NTRK3: variants seen among roughly 807,000 people sequenced by gnomAD.
NTRK3 encodes the protein neurotrophic receptor tyrosine kinase 3.
In NTRK3, 24 loss-of-function variants were observed where a neutral mutation model predicts 91.7. The ratio of observed to expected loss-of-function variants is 0.26; its 90% CI spans 0.19 to 0.37. The LOEUF is 0.37. Ranked by LOEUF, NTRK3 falls within the 10% of genes least tolerant of loss-of-function variation. The pLI, the probability that NTRK3 is intolerant of heterozygous loss-of-function variation, is 1.00. For synonymous variants in NTRK3, 483 were observed against 404.0 expected, an observed-to-expected ratio of 1.20 and a Z score of -2.34; for missense variants, 880 against 1,068.9, an observed-to-expected ratio of 0.82 and a Z score of 2.46.
chr15:88,215,134 A>C (rs1339109998), intron 3 of NTRK3, among the ~76,000 whole-genome samples: 2 of 152,214 alleles, frequency 1.3e-5, no homozygotes, highest in African/African-American at 2.4e-5. Flanking sequence ...CACCATAAGC[A>C]CTGTGGGTTT....
chr15:87,951,260 C>T (rs755556656), intron 14 of NTRK3, among the ~76,000 whole-genome samples: 2 of 152,128 alleles, frequency 1.3e-5, no homozygotes, highest in East Asian at 1.9e-4. Context: ...ATGTCTATTC[C>T]TTATGCAAAA....
chr15:88,225,210 A>G (rs980218625), intron 3 of NTRK3, among the ~76,000 whole-genome samples: 4 of 152,146 alleles, frequency 2.6e-5, no homozygotes, highest in African/African-American at 9.7e-5. Context: ...ACCCCAGTGG[A>G]TCTCTACCCC....
At chr15:87,933,036 T>C in exon 16 of NTRK3, 1 of 1,614,120 alleles carries the variant, frequency 6.2e-7, no homozygotes, top group Non-Finnish European at 8.5e-7. Flanking sequence ...CAGGTCTCCA[T>C]GCTTCATGTA....
intron 13 of NTRK3, among the ~76,000 whole-genome samples, chr15:88,057,761 C>T (rs1567309356): frequency 6.6e-6 from 1 of 151,994 alleles, no homozygotes; most frequent in East Asian, 1.9e-4. Flanking sequence ...AGGGCTGCAC[C>T]CATAGCCTCT....
chr15:88,071,389 T>A (rs1264490906), intron 13 of NTRK3, among the ~76,000 whole-genome samples: 5 of 152,230 alleles, frequency 3.3e-5, no homozygotes, highest in African/African-American at 1.2e-4. Flanking sequence ...GTCACTTCTG[T>A]TTGGGTTTCT....
chr15:88,100,285 A>T (rs968537190), intron 13 of NTRK3, among the ~76,000 whole-genome samples: 3 of 152,184 alleles, frequency 2.0e-5, no homozygotes, highest in Admixed American at 6.5e-5. Context: ...GTGCTATTAC[A>T]AGTGTGTTAT....
chr15:87,863,189 C>A (rs1000660805), exon 19 of NTRK3: 2 of 227,660 alleles, frequency 8.8e-6, no homozygotes, highest in Non-Finnish European at 1.7e-5. Flanking sequence ...GTTAGGAGGT[C>A]AAGAATGTGA....
intron 13 of NTRK3, among the ~76,000 whole-genome samples, chr15:88,113,472 C>T (rs1246124153): frequency 6.6e-6 from 1 of 151,978 alleles, no homozygotes; most frequent in Non-Finnish European, 1.5e-5. Flanking sequence ...CACACGACCA[C>T]GCCCGGCTAA....
intron 14 of NTRK3, among the ~76,000 whole-genome samples, chr15:87,960,203 C>T (rs2072113776): frequency 6.6e-6 from 1 of 152,180 alleles, no homozygotes; most frequent in South Asian, 2.1e-4. Context: ...GAGCACAAAT[C>T]TCCCAGTATA....
rs370473009 is a variant in NTRK3 at position 88,128,790 on chromosome 15, A to G, written c.1205-56T>C. 3.6e-5 allele frequency: 53 copies of G among 1,486,310 alleles called. No homozygotes were observed. In the African/African-American group the frequency reaches 6.3e-4, roughly 18 times the overall value. The allele number at this position is 1,486,310 out of a possible 1,614,324, so 92.1% of individuals were successfully genotyped here. Reference sequence around the variant, plus strand: ...AAATTTAATAAAAACCAGAACAGACACACTACTTGGTCCTAATAGCTATGA... The same window carrying G: ...AAATTTAATAAAAACCAGAACAGACGCACTACTTGGTCCTAATAGCTATGA... On this transcript the variant is annotated intron_variant, in intron 10 of 18. Transcript: ENST00000394480.
intron 14 of NTRK3, among the ~76,000 whole-genome samples, chr15:87,981,530 G>A (rs766990077): frequency 1.7e-4 from 26 of 152,122 alleles, no homozygotes; most frequent in Non-Finnish European, 2.5e-4. Flanking sequence ...TTTATTTTAC[G>A]CATAAAATCT....
chr15:87,983,315 C>A (rs2074457719), intron 14 of NTRK3, among the ~76,000 whole-genome samples: 1 of 152,194 alleles, frequency 6.6e-6, no homozygotes, highest in African/African-American at 2.4e-5. Context: ...GGGCATCCCA[C>A]CCCAGTCAGG....
In NTRK3 at chr15:88,126,391, C is replaced by G. The variant is rs990124199; in HGVS notation, c.1294-18G>C. On this transcript the variant is annotated intron_variant, in intron 12 of 18. Transcript: ENST00000394480. ...ATGGATACCTGTGAGGAACCAGAAA[C>G]AGAGAGTCAGCAACAATCACAGAAA... 3 of 1,560,456 alleles carry G rather than the reference C, an allele frequency of 1.9e-6. No individual in the cohort carries two copies. The highest frequency in any genetic ancestry group is 2.2e-5 in the East Asian group (1 of 44,612).
At chr15:88,003,988 C>A (rs766615822) in intron 14 of NTRK3, among the ~76,000 whole-genome samples, 3 of 152,072 alleles carry the variant, frequency 2.0e-5, no homozygotes, top group Non-Finnish European at 2.9e-5. Flanking sequence ...TTCAGGGCCA[C>A]GCACCCATAA....
At chr15:88,022,172 C>A (rs1425693830) in intron 14 of NTRK3, among the ~76,000 whole-genome samples, 2 of 152,140 alleles carry the variant, frequency 1.3e-5, no homozygotes, top group African/African-American at 4.8e-5. Flanking sequence ...TGCATATGAG[C>A]TTCCTGGGGT....
chr15:88,228,543 T>C (rs1481173736), intron 3 of NTRK3, among the ~76,000 whole-genome samples: 1 of 152,164 alleles, frequency 6.6e-6, no homozygotes, highest in Non-Finnish European at 1.5e-5. Context: ...TCTTGGTCAG[T>C]TGTGACCCAC....
chr15:88,127,838 C>T (rs1425707444), intron 11 of NTRK3, among the ~76,000 whole-genome samples: 1 of 152,204 alleles, frequency 6.6e-6, no homozygotes, highest in African/African-American at 2.4e-5. Flanking sequence ...CCACCTTTAC[C>T]CAGCAAGGCC....
intron 13 of NTRK3, among the ~76,000 whole-genome samples, chr15:88,080,247 A>G (rs1419656476): frequency 3.3e-5 from 5 of 152,204 alleles, no homozygotes; most frequent in Non-Finnish European, 7.3e-5. Flanking sequence ...TTGCTCAGTC[A>G]AAGAGAATAT....
At chr15:88,181,289 T>C (rs1170996755) in intron 5 of NTRK3, among the ~76,000 whole-genome samples, 1 of 152,096 alleles carries the variant, frequency 6.6e-6, no homozygotes, top group Non-Finnish European at 1.5e-5. Flanking sequence ...TTGGGAATCT[T>C]GCAAACCTCC....
Sources: gnomAD v4.1 joint callset for allele counts (sites outside exome capture counted in the v4.1 genomes callset) on GRCh38, gnomAD v4.1.1 for gene constraint, MANE v1.5 for transcripts, NCBI Gene and HGNC (gene_info 2026-07-23, HGNC 2026-07-21) for gene names.